The following NALF1 variants were observed in gnomAD, a reference collection of about 807,000 sequenced individuals.
NALF1 encodes the protein NALCN channel auxiliary factor 1.
In NALF1, 3 loss-of-function variants were observed where a neutral mutation model predicts 48.4. That is an observed-to-expected ratio of 0.06 (90% CI 0.03 to 0.16). NALF1 has a LOEUF of 0.16. NALF1 is among the 10% of genes least tolerant of loss of function. The pLI, the probability that NALF1 is intolerant of heterozygous loss-of-function variation, is 1.00. For synonymous variants in NALF1, 262 were observed against 245.7 expected, an observed-to-expected ratio of 1.07 and a Z score of -0.62; for missense variants, 526 against 571.5, an observed-to-expected ratio of 0.92 and a Z score of 0.81.
At chr13:107,320,784 T>G (rs936707364) in intron 1 of NALF1, 1 of 152,146 alleles carries the variant, frequency 6.6e-6, no homozygotes, top group Non-Finnish European at 1.5e-5. Flanking sequence ...CTTAATAATC[T>G]TATGATCTCC....
At chr13:107,261,425 C>A (rs1481974333) in intron 1 of NALF1, among the ~76,000 whole-genome samples, 1 of 152,168 alleles carries the variant, frequency 6.6e-6, no homozygotes, top group African/African-American at 2.4e-5. Flanking sequence ...CCTCCCCTAT[C>A]CCATCAGCAA....
chr13:107,520,434 A>G (rs1220618930), intron 1 of NALF1, among the ~76,000 whole-genome samples: 4 of 152,224 alleles, frequency 2.6e-5, no homozygotes, highest in African/African-American at 4.8e-5. Flanking sequence ...GAAAGTAAGG[A>G]GAGGATTGAA....
At chr13:107,644,183 C>A (rs1032876450) in intron 1 of NALF1, among the ~76,000 whole-genome samples, 2 of 151,918 alleles carry the variant, frequency 1.3e-5, no homozygotes, top group Non-Finnish European at 2.9e-5. Flanking sequence ...TTTAAAAATA[C>A]ATGTAACATT....
intron 1 of NALF1, among the ~76,000 whole-genome samples, chr13:107,239,584 CA>C (rs1162489902): frequency 6.6e-6 from 1 of 152,170 alleles, no homozygotes; most frequent in African/African-American, 2.4e-5. Context: ...TGGGAGAAGA[CA>C]ATTCAACCTC....
At chr13:107,826,572 G>A (rs1370949523) in intron 1 of NALF1, among the ~76,000 whole-genome samples, 1 of 152,208 alleles carries the variant, frequency 6.6e-6, no homozygotes, top group African/African-American at 2.4e-5. Context: ...AGAAAAAGAG[G>A]ATGCAGCTTA....
intron 1 of NALF1, among the ~76,000 whole-genome samples, chr13:107,754,133 G>A (rs184860346): frequency 2.4e-4 from 37 of 152,174 alleles, no homozygotes; most frequent in African/African-American, 7.7e-4. Context: ...CAAATAAGTC[G>A]TCAGATAGGA....
chr13:107,404,891 G>A (rs1228011579), intron 1 of NALF1, among the ~76,000 whole-genome samples: 1 of 152,062 alleles, frequency 6.6e-6, no homozygotes, highest in South Asian at 2.1e-4. Context: ...TGTCCACTGC[G>A]TGACAGTCAC....
chr13:107,441,562 T>C (rs977429134), intron 1 of NALF1, among the ~76,000 whole-genome samples: 1 of 152,126 alleles, frequency 6.6e-6, no homozygotes, highest in African/African-American at 2.4e-5. Flanking sequence ...ATGATACTGC[T>C]AAATACAGAA....
chr13:107,330,975 G>C (rs1022270822), intron 1 of NALF1, among the ~76,000 whole-genome samples: 1 of 152,074 alleles, frequency 6.6e-6, no homozygotes, highest in Admixed American at 6.6e-5. Flanking sequence ...ACTATAACCT[G>C]TTTCATGAAT....
chr13:107,690,615 T>C lies in NALF1; in HGVS notation c.915+175067A>G, dbSNP rs80095810. Among the ~76,000 whole-genome samples, 942 of 152,214 alleles carry C rather than the reference T, an allele frequency of 6.2e-3. 7 individuals carry two copies. Among genetic ancestry groups the C allele is most frequent in the African/African-American group, 0.022 (903 of 41,524 alleles). On this transcript the variant is annotated intron_variant, in intron 1 of 2. Transcript: ENST00000375915. ...AGAGAGCAATGATACTATCTCAAGG[T>C]AGGATAGAGTGTTAATGGAAATAAA... is the stretch of plus-strand genomic sequence containing the variant.
At chr13:107,510,107 C>T (rs1054624407) in intron 1 of NALF1, among the ~76,000 whole-genome samples, 1 of 152,154 alleles carries the variant, frequency 6.6e-6, no homozygotes, top group East Asian at 1.9e-4. Flanking sequence ...CAGCATTTGG[C>T]TTGCAATTAA....
At chr13:107,865,436 G>C (rs1880684201) in intron 1 of NALF1, among the ~76,000 whole-genome samples, 1 of 152,128 alleles carries the variant, frequency 6.6e-6, no homozygotes, top group Non-Finnish European at 1.5e-5. Context: ...GTGCCAGCTT[G>C]ATTATCTCAG....
At chr13:107,750,267 C>T (rs757383066) in intron 1 of NALF1, among the ~76,000 whole-genome samples, 2 of 152,078 alleles carry the variant, frequency 1.3e-5, no homozygotes, top group African/African-American at 2.4e-5. Context: ...GGGCATCGTC[C>T]CTGACTCCAG....
chr13:107,308,553 G>A (rs1480542237), intron 1 of NALF1, among the ~76,000 whole-genome samples: 3 of 152,100 alleles, frequency 2.0e-5, no homozygotes, highest in East Asian at 1.9e-4. Flanking sequence ...TTTTAAAAAG[G>A]AAATTGAGAA....
chr13:107,288,546 A>G (rs147819530), intron 1 of NALF1, among the ~76,000 whole-genome samples: 4,456 of 119,816 alleles, frequency 0.037, 74 homozygotes, highest in Middle Eastern at 0.11. Context: ...TTTTTTTGAG[A>G]TGGTGTCTCG....
intron 1 of NALF1, among the ~76,000 whole-genome samples, chr13:107,781,197 CTG>C (rs1034292316): frequency 1.3e-5 from 2 of 152,014 alleles, no homozygotes; most frequent in Non-Finnish European, 2.9e-5. Flanking sequence ...CATTTTGTTT[CTG>C]TGTTTTTTGA....
At position 107,615,534 on chromosome 13, in the gene NALF1, C is replaced by T. The variant is rs1486492598; in HGVS notation, c.915+250148G>A. On this transcript the variant is annotated intron_variant, in intron 1 of 2. Coordinates refer to ENST00000375915, the MANE Select transcript of NALF1 (RefSeq NM_001080396.3). ...CTATGGCCTATAAGATGATGGTGTG[C>T]CAAAATATTGATCCCCTTCGCCTTC... Among the ~76,000 whole-genome samples, 5 of 152,240 alleles carry T rather than the reference C, an allele frequency of 3.3e-5. No homozygotes were observed. The South Asian group carries it at 6.2e-4, about 19-fold the overall frequency.
intron 1 of NALF1, among the ~76,000 whole-genome samples, chr13:107,414,621 A>T (rs533610152): frequency 1.3e-4 from 20 of 151,858 alleles, no homozygotes; most frequent in Non-Finnish European, 2.4e-4. Flanking sequence ...TTTTCTGGGG[A>T]TAAAATTACA....
At chr13:107,718,170 T>G (rs1875877905) in intron 1 of NALF1, among the ~76,000 whole-genome samples, 2 of 152,212 alleles carry the variant, frequency 1.3e-5, no homozygotes, top group Admixed American at 1.3e-4. Flanking sequence ...TGACCCCTTC[T>G]AGAGTCTTTC....
Sources: allele counts gnomAD v4.1 joint callset (sites outside exome capture counted in the v4.1 genomes callset), GRCh38; gene constraint gnomAD v4.1.1; transcripts MANE v1.5; gene names NCBI Gene and HGNC (gene_info 2026-07-23, HGNC 2026-07-21).